ANO4: variants seen among roughly 807,000 people sequenced by gnomAD.
ANO4 encodes the protein anoctamin-4.
ANO4 carries 69 observed loss-of-function variants against 141.9 expected under a neutral mutation model. That is an observed-to-expected ratio of 0.49 (90% CI 0.40 to 0.59). The LOEUF is 0.59. Ranked by LOEUF, ANO4 falls within the 20% of genes least tolerant of loss-of-function variation. ANO4 has a pLI of 0.00. For missense variants in ANO4, 894 were observed against 1,162.2 expected (o/e 0.77, Z 3.36); for synonymous variants, 350 against 394.3 (o/e 0.89, Z 1.33).
chr12:100,951,105 G>T (rs2042952650), intron 5 of ANO4, among the ~76,000 whole-genome samples: 1 of 152,164 alleles, frequency 6.6e-6, no homozygotes, highest in African/African-American at 2.4e-5. Flanking sequence ...AATCATTAGA[G>T]AAATGTAAAT....
At chr12:100,745,440 T>C (rs2032059422) in intron 3 of ANO4, among the ~76,000 whole-genome samples, 1 of 152,226 alleles carries the variant, frequency 6.6e-6, no homozygotes, top group Non-Finnish European at 1.5e-5. Flanking sequence ...TAGACGTAAA[T>C]AAAGTTCTTG....
chr12:100,739,434 G>T (rs1446142060), intron 2 of ANO4, among the ~76,000 whole-genome samples: 5 of 152,106 alleles, frequency 3.3e-5, no homozygotes, highest in Non-Finnish European at 5.9e-5. Flanking sequence ...CTGAAGTTCT[G>T]CCTCTGGAAC....
intron 1 of ANO4, among the ~76,000 whole-genome samples, chr12:100,824,290 C>T (rs1344461556): frequency 2.0e-5 from 3 of 151,908 alleles, no homozygotes; most frequent in Admixed American, 2.0e-4. Context: ...CCCTGTACTG[C>T]AGAGTAAGAG....
chr12:100,894,596 T>C (rs2040254393), intron 1 of ANO4, among the ~76,000 whole-genome samples: 1 of 152,134 alleles, frequency 6.6e-6, no homozygotes, highest in African/African-American at 2.4e-5. Context: ...CTCTTCCGCA[T>C]GTATACCTAC....
chr12:100,830,965 C>A (rs940480521), intron 1 of ANO4, among the ~76,000 whole-genome samples: 1 of 152,034 alleles, frequency 6.6e-6, no homozygotes, highest in Non-Finnish European at 1.5e-5. Context: ...GGAAAGTAAG[C>A]TAGACCCATT....
intron 1 of ANO4, among the ~76,000 whole-genome samples, chr12:100,822,117 A>G (rs1278210131): frequency 6.6e-6 from 1 of 152,028 alleles, no homozygotes; most frequent in Non-Finnish European, 1.5e-5. Flanking sequence ...TTAAAACAAA[A>G]TAAAAATAAC....
At chr12:100,905,598 T>C (rs916532565) in intron 2 of ANO4, among the ~76,000 whole-genome samples, 39 of 152,258 alleles carry the variant, frequency 2.6e-4, no homozygotes, top group Admixed American at 6.5e-4. Flanking sequence ...GAAACCCTGA[T>C]TGAAGTGGAT....
intron 14 of ANO4, among the ~76,000 whole-genome samples, chr12:101,051,929 G>C (rs2047889618): frequency 6.6e-6 from 1 of 152,140 alleles, no homozygotes; most frequent in Non-Finnish European, 1.5e-5. Flanking sequence ...AGTTCTAATG[G>C]AGCTCAGTTT....
chr12:100,766,539 T>C (rs1555215303), intron 3 of ANO4, among the ~76,000 whole-genome samples: 1 of 152,174 alleles, frequency 6.6e-6, no homozygotes, highest in Non-Finnish European at 1.5e-5. Context: ...TCCCCATATT[T>C]GTGAATTTTT....
chr12:100,874,735 G>T (rs985783851), intron 1 of ANO4, among the ~76,000 whole-genome samples: 3 of 151,982 alleles, frequency 2.0e-5, no homozygotes, highest in African/African-American at 7.3e-5. Flanking sequence ...GGTCAGGCTG[G>T]TCTCAAACTC....
At chr12:101,021,302 A>T (rs1408517524) in intron 9 of ANO4, among the ~76,000 whole-genome samples, 2 of 152,196 alleles carry the variant, frequency 1.3e-5, no homozygotes, top group African/African-American at 4.8e-5. Context: ...GAGGAGTACC[A>T]TGTGTTTCCA....
intron 16 of ANO4, 46 bp downstream of exon 16, chr12:101,083,864 A>G (rs766972022): frequency 2.0e-6 from 3 of 1,468,410 alleles, no homozygotes; most frequent in East Asian, 2.5e-5. Context: ...ATACAAACCT[A>G]TAGCATAATA....
intron 1 of ANO4, among the ~76,000 whole-genome samples, chr12:100,837,582 C>G (rs539797744): frequency 2.0e-5 from 3 of 152,058 alleles, no homozygotes; most frequent in African/African-American, 7.2e-5. Context: ...TTGAGACCAG[C>G]CTGGGCAACA....
chr12:100,767,042 A>G (rs2033118135), intron 3 of ANO4, among the ~76,000 whole-genome samples: 2 of 152,114 alleles, frequency 1.3e-5, no homozygotes, highest in African/African-American at 2.4e-5. Context: ...TACCGTTTGT[A>G]TGGAATATCT....
At chr12:100,735,224 G>T (rs2031553557) in intron 2 of ANO4, among the ~76,000 whole-genome samples, 2 of 152,134 alleles carry the variant, frequency 1.3e-5, no homozygotes, top group African/African-American at 4.8e-5. Context: ...TGCCAAACCT[G>T]ATAGAAACAC....
At chr12:101,016,365 A>T (rs1029117023) in intron 8 of ANO4, among the ~76,000 whole-genome samples, 1 of 151,878 alleles carries the variant, frequency 6.6e-6, no homozygotes, top group Non-Finnish European at 1.5e-5. Context: ...GGGGAGCCAC[A>T]CTCTTTTAAA....
At chr12:100,782,073 CT>C (rs752652346) in intron 3 of ANO4, among the ~76,000 whole-genome samples, 78 of 152,258 alleles carry the variant, frequency 5.1e-4, no homozygotes, top group Non-Finnish European at 8.4e-4. Flanking sequence ...ATTAGTCTGT[CT>C]TCTCTCCTTT....
At chr12:100,851,964 G>T (rs1309620735) in intron 1 of ANO4, among the ~76,000 whole-genome samples, 1 of 152,194 alleles carries the variant, frequency 6.6e-6, no homozygotes, top group East Asian at 1.9e-4. Context: ...AATGAGGCCT[G>T]AATTTCAGAA....
chr12:100,922,384 C>A, intron 3 of ANO4, 54 bp downstream of exon 3: 2 of 1,261,116 alleles, frequency 1.6e-6, no homozygotes, highest in Non-Finnish European at 2.1e-6. Flanking sequence ...TATTATAATA[C>A]TTGGGAGGGG....
Sources: allele counts gnomAD v4.1 joint callset (sites outside exome capture counted in the v4.1 genomes callset), GRCh38; gene constraint gnomAD v4.1.1; transcripts MANE v1.5; gene names NCBI Gene and HGNC (gene_info 2026-07-23, HGNC 2026-07-21).